Variants in GOLGA8J observed in about 807,000 individuals in gnomAD.
GOLGA8J encodes the protein golgin subfamily A member 8J.
GOLGA8J carries 19 observed loss-of-function variants against 67.7 expected under a neutral mutation model. The observed-to-expected ratio is 0.28, with a 90% CI of 0.20 to 0.41. The LOEUF is 0.41. GOLGA8J is among the 10% of genes least tolerant of loss of function. GOLGA8J has a pLI of 1.00. For missense variants in GOLGA8J, 205 were observed against 584.3 expected, an observed-to-expected ratio of 0.35 and a Z score of 6.69; for synonymous variants, 69 against 215.9, an observed-to-expected ratio of 0.32 and a Z score of 5.97.
At position 30,094,722 on chromosome 15, in the gene GOLGA8J, CT is replaced by C. The variant is rs2057451056; in HGVS notation, c.*1225del. Among the ~76,000 whole-genome samples, 3 of 124,106 alleles carry C rather than the reference CT, an allele frequency of 2.4e-5. No homozygotes were observed. The East Asian group carries it at 6.3e-4, about 26-fold the overall frequency. The allele number at this position is 124,106 out of a possible 152,430, so 81.4% of individuals were successfully genotyped here. The stretch of plus-strand genomic sequence containing the variant: ...TTGGTTACTCTGACATAGGAATTTA[CT>C]TCTTTTTCTTTGAATGGAAAACACT... On this transcript the variant is annotated 3_prime_UTR_variant, in exon 19 of 19. Coordinates refer to ENST00000567927, the MANE Select transcript of GOLGA8J (RefSeq NM_001282472.2).
At position 30,089,930 on chromosome 15, in the gene GOLGA8J, A is replaced by G; in HGVS notation, c.1105A>G (p.Lys369Glu). 2.6e-6 allele frequency: 4 copies of G among 1,534,156 alleles called. No homozygotes were observed. Among genetic ancestry groups the G allele is most frequent in the Non-Finnish European group, 3.5e-6 (4 of 1,148,876 alleles). Residue 369 changes from lysine to glutamate, a missense_variant, in exon 12 of 19, where the codon AAG becomes GAG. By Grantham distance (56) the Lys-to-Glu change is moderately conservative. Transcript: ENST00000567927. ...GCACAAGAGCCTTCAGCAGCTGGCC[A>G]AGCCACAGAGCGTCTTCAAGGAGCC... Reference protein sequence around the residue: ...EQHKSLQQLAKPQSVFKEPNN... With the variant: ...EQHKSLQQLAEPQSVFKEPNN...
rs1469568446 is a variant in GOLGA8J, at chr15:30,094,099, A to C, written c.*600A>C. Among the ~76,000 whole-genome samples, 1 of 147,158 alleles carries C rather than the reference A, an allele frequency of 6.8e-6. No individual in the cohort carries two copies. The highest frequency in any genetic ancestry group is 2.6e-5 in the African/African-American group (1 of 38,052). ...CCATTTTCTGTGTGTTGGTGATGGG[A>C]GTGATAACCTTTTGGGGGAGCTTTT... On this transcript the variant is annotated 3_prime_UTR_variant, in exon 19 of 19. Coordinates refer to ENST00000567927, the MANE Select transcript of GOLGA8J (RefSeq NM_001282472.2).
In GOLGA8J at chr15:30,095,134, A is replaced by C. The variant is rs578058616; in HGVS notation, c.*1635A>C. On this transcript the variant is annotated 3_prime_UTR_variant, in exon 19 of 19. Transcript: ENST00000567927. The stretch of plus-strand genomic sequence containing the variant: ...GATGCTTGGGAAAGACTCAACAGTT[A>C]AAACTTCATGAAGTTCTAATGTCTG... 1.2e-3 allele frequency among the ~76,000 whole-genome samples: 178 copies of C among 146,484 alleles called. 11 individuals are homozygous for C. The highest frequency in any genetic ancestry group is 3.5e-3 in the African/African-American group (133 of 37,836).
chr15:30,093,425 G>GA lies in GOLGA8J; in HGVS notation c.1826dup (p.His610AlafsTer58). On this transcript the variant is annotated frameshift_variant, in exon 19 of 19. Coordinates refer to ENST00000567927, the MANE Select transcript of GOLGA8J (RefSeq NM_001282472.2). LOFTEE classifies it high-confidence loss of function. ...ACAGCCGATCGTGCAGGACCACCAG[G>GA]AGCACCCAGGCTTGGGCAGCAACTG... 6.5e-7 allele frequency: 1 copy of GA among 1,550,346 alleles called. No individual in the cohort carries two copies. Among genetic ancestry groups the GA allele is most frequent in the Admixed American group, 1.8e-5 (1 of 55,892 alleles).
chr15:30,087,737 G>T, intron 8 of GOLGA8J, 53 bp downstream of exon 8: 1 of 647,726 alleles, frequency 1.5e-6, no homozygotes, highest in Non-Finnish European at 2.7e-6. Flanking sequence ...GCAGATGGAG[G>T]AGTGAGCCTA....
rs370452504 is a variant in GOLGA8J at position 30,095,946 on chromosome 15, T to C, written c.*2447T>C. ...ACTGAAATACCACTCTTTGTGTAGG[T>C]ATTTGTCATATATTTAAGAAAAAGT... On this transcript the variant is annotated 3_prime_UTR_variant, in exon 19 of 19. Transcript: ENST00000567927. Among the ~76,000 whole-genome samples, 6 of 121,948 alleles carry C rather than the reference T, an allele frequency of 4.9e-5. No individual in the cohort carries two copies. Among genetic ancestry groups the C allele is most frequent in the East Asian group, 4.3e-4 (2 of 4,632 alleles). 80.0% of individuals were successfully genotyped at this position (121,948 alleles called of 152,430 possible).
rs777429515 is a variant in GOLGA8J at position 30,089,002 on chromosome 15, G to C, written c.748G>C (p.Ala250Pro). ...TTCTGAACATCTAAAAGGAGAGAGG[G>C]CCCGGTGGCAGCAGAGGATGAGAAA... ...EYSEHLKGER[A>P]RWQQRMRKMS... The change falls in exon 10 of 19, where the codon GCC (alanine) becomes CCC (proline). Residue 250 changes from alanine (A) to proline (P), a missense_variant. Ala to Pro is a conservative substitution (Grantham distance 27). Coordinates refer to ENST00000567927, the MANE Select transcript of GOLGA8J (RefSeq NM_001282472.2). 3 of 1,400,282 alleles carry C rather than the reference G, an allele frequency of 2.1e-6. No homozygotes were observed. In the South Asian group the frequency reaches 3.7e-5, roughly 17 times the overall value. The allele number at this position is 1,400,282 out of a possible 1,614,324, so 86.7% of individuals were successfully genotyped here.
Position 30,084,981 on chromosome 15 carries a change from T to G in GOLGA8J, c.168+91T>G, listed in dbSNP as rs1281218491. 15 of 1,407,488 alleles carry G rather than the reference T, an allele frequency of 1.1e-5. 1 individual carries two copies. The Admixed American group carries it at 1.3e-4, about 12-fold the overall frequency. 87.2% of individuals were successfully genotyped at this position (1,407,488 alleles called of 1,614,324 possible). A position where few individuals can be genotyped will look rare whatever the true frequency, so the allele number is the denominator to read the frequency against. On this transcript the variant is annotated intron_variant, in intron 2 of 18. Transcript: ENST00000567927. ...AGATTGTGGATGGACTGCTGGGTACTGGTTAAGAATTCTGGCTTTAGCCGG... is the reference window on the plus strand; with the variant it reads ...AGATTGTGGATGGACTGCTGGGTACGGGTTAAGAATTCTGGCTTTAGCCGG...
intron 13 of GOLGA8J, among the ~76,000 whole-genome samples, 180 bp downstream of exon 13, chr15:30,090,460 T>C (rs1567306375): frequency 6.7e-6 from 1 of 148,162 alleles, no homozygotes; most frequent in Non-Finnish European, 1.5e-5. Flanking sequence ...TAAAGGTGGG[T>C]AGCCCTGGGC....
At chr15:30,087,968 G>T (rs1461277897) in intron 8 of GOLGA8J, 2 of 582,142 alleles carry the variant, frequency 3.4e-6, no homozygotes, top group Non-Finnish European at 6.3e-6. Context: ...AGTCCTAGGT[G>T]GGGTATTGGG....
Position 30,094,573 on chromosome 15 carries a change from G to T in GOLGA8J, c.*1074G>T, listed in dbSNP as rs2057449621. On this transcript the variant is annotated 3_prime_UTR_variant, in exon 19 of 19. Transcript: ENST00000567927. Reference sequence around the variant, plus strand: ...AGGCATACAGGCTCTAGTCAAGAATGAATTAGAGTGAAGGAAAGCTGTGTG... The same window carrying T: ...AGGCATACAGGCTCTAGTCAAGAATTAATTAGAGTGAAGGAAAGCTGTGTG... Among the ~76,000 whole-genome samples, 1 of 126,720 alleles carries T rather than the reference G, an allele frequency of 7.9e-6. No homozygotes were observed. Among genetic ancestry groups the T allele is most frequent in the Admixed American group, 7.1e-5 (1 of 14,180 alleles). 83.1% of individuals were successfully genotyped at this position (126,720 alleles called of 152,430 possible).
chr15:30,085,289 A>T (rs1464440692), intron 2 of GOLGA8J, among the ~76,000 whole-genome samples: 1 of 104,972 alleles, frequency 9.5e-6, no homozygotes, highest in Admixed American at 8.5e-5. Flanking sequence ...CAAAGAAAAA[A>T]AAAAAAAGGA....
At chr15:30,090,648 C>T (rs1303627976) in intron 13 of GOLGA8J, among the ~76,000 whole-genome samples, 1 of 128,746 alleles carries the variant, frequency 7.8e-6, no homozygotes, top group Non-Finnish European at 1.6e-5. Context: ...TGAGATCAGC[C>T]TGGCCAATGT....
intron 8 of GOLGA8J, chr15:30,088,447 G>A (rs1225776158): frequency 1.4e-5 from 7 of 512,454 alleles, no homozygotes; most frequent in East Asian, 6.8e-5. Context: ...TTGTTAGCAC[G>A]GTACCTGGTG....
chr15:30,092,417 G>C, intron 15 of GOLGA8J: 1 of 310,030 alleles, frequency 3.2e-6, no homozygotes, highest in Non-Finnish European at 4.6e-6. Flanking sequence ...GCTGGAGCTA[G>C]TGCCCAGGAG....
rs1461470116 is a variant in GOLGA8J at position 30,094,081 on chromosome 15, C to T, written c.*582C>T. ...CTGGAAACAGCCTTTCCTCCATTTT[C>T]TGTGTGTTGGTGATGGGAGTGATAA... is the stretch of plus-strand genomic sequence containing the variant. On this transcript the variant is annotated 3_prime_UTR_variant, in exon 19 of 19. Transcript: ENST00000567927. Among the ~76,000 whole-genome samples the T allele has an allele frequency of 2.0e-5, 3 of 147,348 alleles. No homozygotes were observed. Among genetic ancestry groups the T allele is most frequent in the Non-Finnish European group, 4.4e-5 (3 of 67,598 alleles).
At position 30,092,051 on chromosome 15, in the gene GOLGA8J, G is replaced by T; in HGVS notation, c.1286G>T (p.Gly429Val). Residue 429 changes from glycine (G) to valine (V), a missense_variant, in exon 15 of 19, where the codon GGA (glycine) becomes GTA (valine). Physicochemically the swap from Gly to Val is moderately radical, Grantham distance 109. Coordinates refer to ENST00000567927, the MANE Select transcript of GOLGA8J (RefSeq NM_001282472.2). ...TGACCACCCCCCACAGGACACGGAG[G>T]AGAACATCTGGACAGTGAGGGGGAG... ...LMALPGEGHG[G>V]EHLDSEGEEA... is the part of the protein sequence containing the mutation. 2 of 1,598,512 alleles carry T rather than the reference G, an allele frequency of 1.3e-6. No individual in the cohort carries two copies. Among genetic ancestry groups the T allele is most frequent in the Non-Finnish European group, 1.7e-6 (2 of 1,174,320 alleles).
intron 1 of GOLGA8J, 66 bp from the exon 2 acceptor site, chr15:30,084,705 G>A: frequency 3.1e-6 from 2 of 635,964 alleles, no homozygotes; most frequent in South Asian, 4.2e-5. Context: ...TGTAAAAACT[G>A]TAAAGGAGGA....
chr15:30,084,840 G>A lies in GOLGA8J; in HGVS notation c.118G>A (p.Gly40Ser). 7.2e-7 allele frequency: 1 copy of A among 1,383,110 alleles called. No individual in the cohort carries two copies. Among genetic ancestry groups the A allele is most frequent in the Non-Finnish European group, 9.4e-7 (1 of 1,064,824 alleles). The allele number at this position is 1,383,110 out of a possible 1,614,324, so 85.7% of individuals were successfully genotyped here. A position where few individuals can be genotyped will look rare whatever the true frequency, so the allele number is the denominator to read the frequency against. The change falls in exon 2 of 19, where the codon GGC becomes AGC. Residue 40 changes from glycine to serine, a missense_variant. By Grantham distance (56) the Gly-to-Ser change is moderately conservative (BLOSUM62 0). Coordinates refer to ENST00000567927, the MANE Select transcript of GOLGA8J (RefSeq NM_001282472.2). ...AGCGAACAGGAACAGGAAAACAAAT[G>A]GCAGTATCCCTGAGAAAGCCACTTC... ...AGANRNRKTN[G>S]SIPEKATSGG... is the part of the protein sequence containing the mutation.
Sources: allele counts gnomAD v4.1 joint callset (sites outside exome capture counted in the v4.1 genomes callset), GRCh38; gene constraint gnomAD v4.1.1; transcripts MANE v1.5; gene names NCBI Gene and HGNC (gene_info 2026-07-23, HGNC 2026-07-21).